The following MYT1L variants were observed in gnomAD, a reference collection of about 807,000 sequenced individuals.
MYT1L encodes myelin transcription factor 1 like.
MYT1L carries 12 observed loss-of-function variants against 126.7 expected under a neutral mutation model. The ratio of observed to expected loss-of-function variants is 0.09; its 90% CI spans 0.06 to 0.15. The LOEUF (loss-of-function observed/expected upper bound fraction) is 0.15, where lower values mean the gene tolerates loss of function less well. MYT1L is among the 10% of genes least tolerant of loss of function. MYT1L has a pLI of 1.00. For missense variants in MYT1L, 979 were observed against 1,585.2 expected (o/e 0.62, Z 6.49); for synonymous variants, 541 against 604.2 (o/e 0.90, Z 1.53).
At chr2:1,918,434 T>C (rs2149079516) in intron 10 of MYT1L, among the ~76,000 whole-genome samples, 1 of 152,338 alleles carries the variant, frequency 6.6e-6, no homozygotes, top group African/African-American at 2.4e-5. Context: ...TCTTTAGGGA[T>C]TAGTTCTTTT....
At chr2:1,809,316 T>C (rs372255767) in intron 21 of MYT1L, 149 bp from the exon 22 acceptor site, 19 of 722,288 alleles carry the variant, frequency 2.6e-5, no homozygotes, top group South Asian at 1.9e-4. Context: ...AAAAGACCAA[T>C]GCATACAGTA....
At chr2:1,973,277 T>C (rs2059938950) in intron 8 of MYT1L, among the ~76,000 whole-genome samples, 1 of 152,242 alleles carries the variant, frequency 6.6e-6, no homozygotes, top group African/African-American at 2.4e-5. Context: ...AATCAGTTAA[T>C]AGTAATCTGT....
At chr2:2,239,313 A>C (rs917170036) in intron 2 of MYT1L, among the ~76,000 whole-genome samples, 1 of 152,232 alleles carries the variant, frequency 6.6e-6, no homozygotes, top group Non-Finnish European at 1.5e-5. Flanking sequence ...ATGAGACCTA[A>C]AATTAGTCCA....
intron 4 of MYT1L, among the ~76,000 whole-genome samples, chr2:2,007,932 G>C (rs982128165): frequency 2.0e-5 from 3 of 152,204 alleles, no homozygotes; most frequent in Admixed American, 1.3e-4. Flanking sequence ...AGGGGGAGGA[G>C]AGGAGCCTGA....
intron 4 of MYT1L, among the ~76,000 whole-genome samples, chr2:2,001,237 C>CTTTTTTTTTTTTTT (rs11389323): frequency 9.6e-5 from 10 of 103,878 alleles, no homozygotes; most frequent in East Asian, 2.9e-4. Flanking sequence ...TTGGTTTTAG[C>CTTTTTTTTTTTTTT]TTTTTTTTTT....
At chr2:2,257,414 A>T (rs1384836866) in intron 2 of MYT1L, among the ~76,000 whole-genome samples, 1 of 152,282 alleles carries the variant, frequency 6.6e-6, no homozygotes, top group South Asian at 2.1e-4. Flanking sequence ...GCGGTGGCTT[A>T]TGCCTGTAAT....
intron 2 of MYT1L, among the ~76,000 whole-genome samples, chr2:2,269,747 T>G (rs2095224831): frequency 6.6e-6 from 1 of 152,116 alleles, no homozygotes; most frequent in Non-Finnish European, 1.5e-5. Context: ...ATCTTGACCC[T>G]TTTCTTCTCT....
At chr2:1,921,634 A>C (rs2053580022) in intron 10 of MYT1L, among the ~76,000 whole-genome samples, 1 of 152,208 alleles carries the variant, frequency 6.6e-6, no homozygotes, top group Non-Finnish European at 1.5e-5. Flanking sequence ...AAAGGAATGA[A>C]TATCCTAAAG....
intron 9 of MYT1L, 91 bp from the exon 10 acceptor site, chr2:1,923,354 T>C: frequency 9.5e-7 from 1 of 1,056,700 alleles, no homozygotes; most frequent in East Asian, 2.6e-5. Flanking sequence ...GATAGCACGT[T>C]AACTGCAAGT....
At chr2:2,202,458 G>GA (rs1478945620) in intron 2 of MYT1L, among the ~76,000 whole-genome samples, 2 of 152,144 alleles carry the variant, frequency 1.3e-5, no homozygotes, top group African/African-American at 4.8e-5. Context: ...CGATCCTACA[G>GA]AAATACAAAC....
chr2:1,820,333 C>T (rs2038350027), intron 21 of MYT1L, among the ~76,000 whole-genome samples: 1 of 152,184 alleles, frequency 6.6e-6, no homozygotes. Context: ...TTGTCTCTCA[C>T]TTTGTCTCTG....
At chr2:2,052,996 A>G (rs993720613) in intron 4 of MYT1L, among the ~76,000 whole-genome samples, 8 of 152,254 alleles carry the variant, frequency 5.3e-5, no homozygotes, top group Non-Finnish European at 1.2e-4. Context: ...TCAAGCTAAT[A>G]GGAGCATAAT....
chr2:2,183,761 AGGAG>A (rs752461065), intron 2 of MYT1L, among the ~76,000 whole-genome samples: 128 of 150,078 alleles, frequency 8.5e-4, no homozygotes, highest in Non-Finnish European at 1.3e-3. Flanking sequence ...GAGGGAGGGA[AGGAG>A]GGAGAGGAAG....
chr2:2,012,404 C>T (rs900880328), intron 4 of MYT1L, among the ~76,000 whole-genome samples: 6 of 152,162 alleles, frequency 3.9e-5, no homozygotes, highest in South Asian at 2.1e-4. Flanking sequence ...ATAACAAGTG[C>T]AGAATGGAGA....
At chr2:2,206,226 C>T (rs550009316) in intron 2 of MYT1L, among the ~76,000 whole-genome samples, 6 of 152,278 alleles carry the variant, frequency 3.9e-5, no homozygotes, top group South Asian at 2.1e-4. Context: ...GATCCACTGG[C>T]CTCTGCCTCC....
chr2:1,894,485 T>C (rs2049323800), intron 14 of MYT1L, among the ~76,000 whole-genome samples: 2 of 152,216 alleles, frequency 1.3e-5, no homozygotes, highest in Non-Finnish European at 2.9e-5. Context: ...GTTGTGATTT[T>C]ACATAATTTA....
chr2:1,876,980 A>C (rs2046990683), intron 18 of MYT1L, among the ~76,000 whole-genome samples: 1 of 152,212 alleles, frequency 6.6e-6, no homozygotes, highest in Non-Finnish European at 1.5e-5. Context: ...CCTTATGACC[A>C]GGGTCCCACG....
At chr2:1,876,281 C>CAGAGTCTGGG (rs1375024966) in intron 18 of MYT1L, among the ~76,000 whole-genome samples, 1 of 152,158 alleles carries the variant, frequency 6.6e-6, no homozygotes, top group African/African-American at 2.4e-5. Flanking sequence ...GCCTGAGCCC[C>CAGAGTCTGGG]AGAGTCTGGG....
intron 8 of MYT1L, among the ~76,000 whole-genome samples, chr2:1,969,428 G>A (rs898044723): frequency 3.3e-5 from 5 of 152,190 alleles, no homozygotes; most frequent in African/African-American, 9.6e-5. Flanking sequence ...TGTTGGCCAC[G>A]ATTCTCAAAC....
Sources: allele counts gnomAD v4.1 joint callset (sites outside exome capture counted in the v4.1 genomes callset), GRCh38; gene constraint gnomAD v4.1.1; transcripts MANE v1.5; gene names NCBI Gene and HGNC (gene_info 2026-07-23, HGNC 2026-07-21).